The following PTPRN2 variants were observed in gnomAD, a reference collection of about 807,000 sequenced individuals.
The protein encoded by PTPRN2 is protein tyrosine phosphatase receptor type N2.
Under a neutral mutation model 118.8 loss-of-function variants are expected in PTPRN2, and 74 were observed. The observed-to-expected ratio is 0.62, with a 90% CI of 0.52 to 0.76. The LOEUF is 0.76. Among genes scored for constraint, PTPRN2 ranks in the 30% least tolerant of loss-of-function variants. The pLI is 0.00. For synonymous variants in PTPRN2, 641 were observed against 608.0 expected, an observed-to-expected ratio of 1.05 and a Z score of -0.80; for missense variants, 1,481 against 1,394.4, an observed-to-expected ratio of 1.06 and a Z score of -0.99.
intron 2 of PTPRN2, among the ~76,000 whole-genome samples, chr7:158,405,321 G>C (rs916925466): frequency 6.6e-5 from 10 of 152,166 alleles, no homozygotes; most frequent in Admixed American, 1.3e-4. Flanking sequence ...GGCCACCCTA[G>C]CTATAGGAAA....
chr7:157,576,494 TGCG>T (rs1800047795), intron 19 of PTPRN2, 116 bp downstream of exon 19: 2 of 1,093,126 alleles, frequency 1.8e-6, no homozygotes, highest in South Asian at 3.5e-5. Context: ...CCCTCCCCCC[TGCG>T]GCGCCGACAC....
chr7:157,862,354 A>G (rs945123930), intron 12 of PTPRN2, among the ~76,000 whole-genome samples: 2 of 152,236 alleles, frequency 1.3e-5, no homozygotes, highest in African/African-American at 4.8e-5. Flanking sequence ...TCCCTGACAG[A>G]CTTGAGCCCA....
chr7:157,543,404 C>G (rs1257105122), intron 22 of PTPRN2, among the ~76,000 whole-genome samples: 1 of 152,272 alleles, frequency 6.6e-6, no homozygotes, highest in East Asian at 1.9e-4. Context: ...CAGGCCAGGT[C>G]AGGCTGTCTG....
At position 157,945,027 on chromosome 7, in the gene PTPRN2, C is replaced by T. The variant is rs138068248; in HGVS notation, c.1724-46290G>A. 2.7e-3 allele frequency among the ~76,000 whole-genome samples: 412 copies of T among 152,346 alleles called. 5 individuals carry two copies. Among genetic ancestry groups the T allele is most frequent in the African/African-American group, 8.8e-3 (364 of 41,586 alleles). On this transcript the variant is annotated intron_variant, in intron 11 of 22. Transcript: ENST00000389418. ...ATCTGCTCCAGCTGGAGCACTCTGCCTCTCTACCCATTTTCCTGCTCTCAC... is the reference window on the plus strand; with the variant it reads ...ATCTGCTCCAGCTGGAGCACTCTGCTTCTCTACCCATTTTCCTGCTCTCAC...
intron 2 of PTPRN2, among the ~76,000 whole-genome samples, chr7:158,390,539 G>A (rs527880676): frequency 4.6e-5 from 7 of 152,254 alleles, no homozygotes; most frequent in Non-Finnish European, 7.4e-5. Flanking sequence ...TAGGACCATC[G>A]TGCTGGAGGG....
intron 14 of PTPRN2, among the ~76,000 whole-genome samples, chr7:157,640,261 A>G (rs1454973340): frequency 6.6e-6 from 1 of 152,256 alleles, no homozygotes; most frequent in Non-Finnish European, 1.5e-5. Flanking sequence ...TAGAACTTCA[A>G]GTGAAAACCA....
chr7:157,795,748 C>T (rs1298595186), intron 12 of PTPRN2, among the ~76,000 whole-genome samples: 3 of 152,190 alleles, frequency 2.0e-5, no homozygotes, highest in South Asian at 2.1e-4. Context: ...AGCCTGTGGA[C>T]GAGGCGGGAG....
At chr7:158,336,418 G>C (rs1341385700) in intron 2 of PTPRN2, among the ~76,000 whole-genome samples, 1 of 115,288 alleles carries the variant, frequency 8.7e-6, no homozygotes, top group Non-Finnish European at 1.8e-5. Flanking sequence ...ACAATAATTG[G>C]TGACACCTGC....
At chr7:157,728,384 G>A (rs944483284) in intron 12 of PTPRN2, among the ~76,000 whole-genome samples, 1 of 152,256 alleles carries the variant, frequency 6.6e-6, no homozygotes, top group African/African-American at 2.4e-5. Context: ...CAGCATCTGC[G>A]TCGGTGCCTC....
intron 2 of PTPRN2, among the ~76,000 whole-genome samples, chr7:158,406,997 T>C (rs1813495540): frequency 6.6e-6 from 1 of 152,112 alleles, no homozygotes; most frequent in Admixed American, 6.5e-5. Context: ...CCCTGAACAA[T>C]GAGCAAGGCT....
At chr7:158,060,945 G>A (rs543925996) in intron 11 of PTPRN2, among the ~76,000 whole-genome samples, 31 of 152,308 alleles carry the variant, frequency 2.0e-4, no homozygotes, top group African/African-American at 5.5e-4. Context: ...AGCTTTCAGC[G>A]CAGTATTTAT....
At chr7:158,402,414 G>A (rs1813017922) in intron 2 of PTPRN2, among the ~76,000 whole-genome samples, 1 of 152,108 alleles carries the variant, frequency 6.6e-6, no homozygotes, top group African/African-American at 2.4e-5. Context: ...GGCTCATGCT[G>A]TTGGCCAGTG....
chr7:158,161,414 G>A (rs559831012), intron 6 of PTPRN2, among the ~76,000 whole-genome samples: 19 of 152,322 alleles, frequency 1.2e-4, no homozygotes, highest in Non-Finnish European at 2.1e-4. Flanking sequence ...ACAGAACAGA[G>A]AGCCCAGACA....
chr7:158,530,056 G>C (rs188577536), intron 1 of PTPRN2, among the ~76,000 whole-genome samples: 4 of 152,264 alleles, frequency 2.6e-5, no homozygotes, highest in African/African-American at 9.6e-5. Flanking sequence ...ACAACCAAGA[G>C]GGAAAACAGA....
intron 3 of PTPRN2, among the ~76,000 whole-genome samples, chr7:158,206,806 T>A (rs561290923): frequency 5.7e-4 from 87 of 151,752 alleles, no homozygotes; most frequent in Non-Finnish European, 8.7e-4. Flanking sequence ...TTTTTTAATT[T>A]ATTTATTTTT....
intron 10 of PTPRN2, among the ~76,000 whole-genome samples, chr7:158,098,373 C>G (rs1021759593): frequency 6.6e-6 from 1 of 152,194 alleles, no homozygotes; most frequent in Non-Finnish European, 1.5e-5. Flanking sequence ...GGCGGCGGGA[C>G]TCAGGTTTGA....
intron 12 of PTPRN2, among the ~76,000 whole-genome samples, chr7:157,765,010 A>C (rs751489685): frequency 4.3e-5 from 6 of 140,774 alleles, no homozygotes; most frequent in Non-Finnish European, 9.2e-5. Flanking sequence ...ACCATCCATC[A>C]TTCTTCCATC....
chr7:157,926,927 G>A (rs562205015), intron 11 of PTPRN2, among the ~76,000 whole-genome samples: 7 of 150,638 alleles, frequency 4.6e-5, no homozygotes, highest in East Asian at 2.2e-4. Context: ...CCAGGGACCC[G>A]TCTGAGAGCA....
At chr7:158,289,916 G>C (rs1316568536) in intron 3 of PTPRN2, among the ~76,000 whole-genome samples, 1 of 152,214 alleles carries the variant, frequency 6.6e-6, no homozygotes, top group Non-Finnish European at 1.5e-5. Context: ...ACGCAGGCTG[G>C]TCCAATGCCT....
Sources: allele counts gnomAD v4.1 joint callset (sites outside exome capture counted in the v4.1 genomes callset), GRCh38; gene constraint gnomAD v4.1.1; transcripts MANE v1.5; gene names NCBI Gene and HGNC (gene_info 2026-07-23, HGNC 2026-07-21).